The following GAP43 variants were observed in gnomAD, a reference collection of about 807,000 sequenced individuals.
GAP43 encodes neuromodulin.
In GAP43, 6 loss-of-function variants were observed where a neutral mutation model predicts 18.6. That is an observed-to-expected ratio of 0.32 (90% confidence interval 0.18 to 0.64). The LOEUF (loss-of-function observed/expected upper bound fraction) is 0.64. Among genes scored for constraint, GAP43 ranks in the 30% least tolerant of loss-of-function variants. The probability of loss-of-function intolerance (pLI) is 0.78; values close to 1 mark genes in which losing one functional copy is unlikely to be tolerated. For missense variants in GAP43, 292 were observed against 295.5 expected, an observed-to-expected ratio of 0.99 and a Z score of 0.09; for synonymous variants, 115 against 111.4, an observed-to-expected ratio of 1.03 and a Z score of -0.20.
chr3:115,668,534 C>A (rs944720255), intron 1 of GAP43, among the ~76,000 whole-genome samples: 1 of 152,190 alleles, frequency 6.6e-6, no homozygotes, highest in Non-Finnish European at 1.5e-5. Flanking sequence ...AAGCAATTCT[C>A]CTGCCTCAGC....
intron 1 of GAP43, among the ~76,000 whole-genome samples, chr3:115,649,994 C>A (rs1249973560): frequency 6.6e-6 from 1 of 152,070 alleles, no homozygotes; most frequent in Admixed American, 6.5e-5. Context: ...AGCACTTTCC[C>A]AAGTGTTCTA....
intron 1 of GAP43, among the ~76,000 whole-genome samples, chr3:115,624,473 A>G (rs1708159531): frequency 6.6e-6 from 1 of 151,980 alleles, no homozygotes; most frequent in Non-Finnish European, 1.5e-5. Flanking sequence ...ACAGCCGGGT[A>G]TTACCTGTTG....
intron 2 of GAP43, among the ~76,000 whole-genome samples, chr3:115,713,792 A>G (rs1321557587): frequency 6.6e-6 from 1 of 152,234 alleles, no homozygotes; most frequent in Non-Finnish European, 1.5e-5. Context: ...ATGCAGAGAT[A>G]ACTTAGATCT....
chr3:115,624,642 C>T (rs1429865612), intron 1 of GAP43, among the ~76,000 whole-genome samples: 4 of 152,128 alleles, frequency 2.6e-5, no homozygotes, highest in African/African-American at 9.7e-5. Context: ...CCCTCCTTCC[C>T]TCCCCCACTG....
In GAP43 at chr3:115,644,349, C is replaced by G. The variant is rs1708432738; in HGVS notation, c.30+20630C>G. The stretch of plus-strand genomic sequence containing the variant: ...TTTACCTGATAGTTTTTGGACAGGA[C>G]TATCAGGGTGATGAATGGGTGAGAG... On this transcript the variant is annotated intron_variant, in intron 1 of 2. Coordinates refer to ENST00000305124, the MANE Select transcript of GAP43 (RefSeq NM_002045.4). The surrounding 1 kb of genome is among the most constrained non-coding windows in gnomAD (Gnocchi z 4.2). Among the ~76,000 whole-genome samples, 1 of 152,116 alleles carries G rather than the reference C, an allele frequency of 6.6e-6. No homozygotes were observed. Among genetic ancestry groups the G allele is most frequent in the African/African-American group, 2.4e-5 (1 of 41,528 alleles).
rs1709570301 is a variant in GAP43 at position 115,720,931 on chromosome 3, T to G, written c.*49T>G. 2 of 1,264,612 alleles carry G rather than the reference T, an allele frequency of 1.6e-6. No homozygotes were observed. The highest frequency in any genetic ancestry group is 1.2e-5 in the South Asian group (1 of 81,332). The allele number at this position is 1,264,612 out of a possible 1,614,324, so 78.3% of individuals were successfully genotyped here. On this transcript the variant is annotated 3_prime_UTR_variant, in exon 3 of 3. Coordinates refer to ENST00000305124, the MANE Select transcript of GAP43 (RefSeq NM_002045.4). ...TCCCCACCCTCCCCTCTCCTGAGCC[T>G]GTCTCTCCCTACCCTCTTCTCAGCT... is the stretch of plus-strand genomic sequence containing the variant.
chr3:115,716,711 CAGACAA>C (rs1366228189), intron 2 of GAP43, among the ~76,000 whole-genome samples: 3 of 25,972 alleles, frequency 1.2e-4, no homozygotes, highest in Admixed American at 6.0e-4. Context: ...ACTTTAATCT[CAGACAA>C]ATATATATAT....
chr3:115,623,631 T>A lies in GAP43; in HGVS notation c.-59T>A, dbSNP rs1402816724. 6.2e-7 allele frequency: 1 copy of A among 1,600,718 alleles called. No homozygotes were observed. The highest frequency in any genetic ancestry group is 1.3e-5 in the African/African-American group (1 of 74,130). ...AGAAAAGAGGTGGAGAGGGGGGGAA[T>A]AAGAAAGAGAGAGAAGGAAAGGAGA... On this transcript the variant is annotated 5_prime_UTR_variant, in exon 1 of 3. Coordinates refer to ENST00000305124, the MANE Select transcript of GAP43 (RefSeq NM_002045.4).
intron 1 of GAP43, among the ~76,000 whole-genome samples, chr3:115,646,011 T>G (rs894651466): frequency 1.3e-5 from 2 of 152,116 alleles, no homozygotes; most frequent in African/African-American, 4.8e-5. Flanking sequence ...TTTTAAAAAA[T>G]TAAGTGTTGG....
At chr3:115,687,858 TTTTC>T (rs1363757192) in intron 2 of GAP43, among the ~76,000 whole-genome samples, 2 of 152,326 alleles carry the variant, frequency 1.3e-5, no homozygotes, top group Middle Eastern at 3.4e-3. Flanking sequence ...AAAACTCATC[TTTTC>T]AGGCAGGCAT....
chr3:115,717,315 C>T (rs1251893664), intron 2 of GAP43, among the ~76,000 whole-genome samples: 1 of 144,854 alleles, frequency 6.9e-6, no homozygotes, highest in African/African-American at 2.5e-5. Flanking sequence ...ATTTTATTGT[C>T]TTTTTTTTTT....
At chr3:115,685,700 T>C (rs897725303) in intron 2 of GAP43, among the ~76,000 whole-genome samples, 3 of 152,246 alleles carry the variant, frequency 2.0e-5, no homozygotes, top group African/African-American at 4.8e-5. Context: ...TGTGAAATTC[T>C]ATTCCAGTTT....
chr3:115,685,788 G>A (rs1242547754), intron 2 of GAP43, among the ~76,000 whole-genome samples: 1 of 152,174 alleles, frequency 6.6e-6, no homozygotes, highest in African/African-American at 2.4e-5. Context: ...CCTTTTAGAA[G>A]GAAAACCAGC....
intron 2 of GAP43, among the ~76,000 whole-genome samples, chr3:115,714,260 T>C (rs935829167): frequency 2.0e-5 from 3 of 152,230 alleles, no homozygotes; most frequent in African/African-American, 7.2e-5. Flanking sequence ...ATGAATTTAC[T>C]TTCTATGATG....
intron 1 of GAP43, among the ~76,000 whole-genome samples, chr3:115,668,552 G>A (rs1708763304): frequency 6.6e-6 from 1 of 152,094 alleles, no homozygotes; most frequent in Non-Finnish European, 1.5e-5. Flanking sequence ...AGCCTCCCAA[G>A]TAGCTGGGAT....
Position 115,644,395 on chromosome 3 carries a change from G to T in GAP43, c.30+20676G>T, listed in dbSNP as rs534708313. ...GAGAGTGGGAGGAGTTCAAACACTG[G>T]TTGATAAAAGGATAACAAACCTGTA... On this transcript the variant is annotated intron_variant, in intron 1 of 2. Transcript: ENST00000305124. This position sits in a 1 kb window ranked among gnomAD's most constrained non-coding sequence, Gnocchi z 4.2. 6.6e-6 allele frequency among the ~76,000 whole-genome samples: 1 copy of T among 151,910 alleles called. No homozygotes were observed. The highest frequency in any genetic ancestry group is 1.5e-5 in the Non-Finnish European group (1 of 67,944).
intron 2 of GAP43, among the ~76,000 whole-genome samples, chr3:115,697,251 T>A (rs2107363205): frequency 6.6e-6 from 1 of 152,306 alleles, no homozygotes; most frequent in East Asian, 1.9e-4. Flanking sequence ...TATTATTATT[T>A]CGTACACTGT....
chr3:115,624,649 A>G (rs1170953986), intron 1 of GAP43, among the ~76,000 whole-genome samples: 3 of 151,964 alleles, frequency 2.0e-5, no homozygotes, highest in Non-Finnish European at 4.4e-5. Context: ...TCCCTCCCCC[A>G]CTGCCCAGGT....
intron 1 of GAP43, among the ~76,000 whole-genome samples, chr3:115,671,157 G>A (rs1708810993): frequency 6.6e-6 from 1 of 152,100 alleles, no homozygotes; most frequent in African/African-American, 2.4e-5. Flanking sequence ...AGCCATTCAT[G>A]GATTTTTGCC....
Sources: allele counts gnomAD v4.1 joint callset (sites outside exome capture counted in the v4.1 genomes callset), GRCh38; gene constraint gnomAD v4.1.1; non-coding constraint Gnocchi (gnomAD v3.1); transcripts MANE v1.5; gene names NCBI Gene and HGNC (gene_info 2026-07-23, HGNC 2026-07-21).